FLT4: variants seen among roughly 807,000 people sequenced by gnomAD.
The protein encoded by FLT4 is fms related receptor tyrosine kinase 4, also known as vascular endothelial growth factor receptor 3.
In FLT4, 30 loss-of-function variants were observed where a neutral mutation model predicts 163.2. That is an observed-to-expected ratio of 0.18 (90% CI 0.14 to 0.25). The LOEUF is 0.25. Ranked by LOEUF, FLT4 falls within the 10% of genes least tolerant of loss-of-function variation. FLT4 has a pLI of 1.00. For synonymous variants in FLT4, 884 were observed against 789.5 expected, an observed-to-expected ratio of 1.12 and a Z score of -2.01; for missense variants, 1,510 against 1,863.8, an observed-to-expected ratio of 0.81 and a Z score of 3.50.
chr5:180,632,958 GTCC>G (rs1257382115), intron 1 of FLT4, among the ~76,000 whole-genome samples: 1 of 152,002 alleles, frequency 6.6e-6, no homozygotes, highest in East Asian at 1.9e-4. Flanking sequence ...CCAGGTCCCT[GTCC>G]TCCTGGGGGC....
intron 1 of FLT4, among the ~76,000 whole-genome samples, chr5:180,644,117 C>T (rs1174458698): frequency 1.3e-5 from 2 of 152,194 alleles, no homozygotes; most frequent in Admixed American, 6.5e-5. Context: ...ATGACCCGCT[C>T]TTAACGGTTC....
rs1130378 is a variant in FLT4 at position 180,616,388 on chromosome 5, G to A, written c.3198C>T (p.Pro1066=). ...TCACACTGCCCTTGCGGACGTAGTC[G>A]GGGTCTTTGTAGATGTCCCGGGCAA... ...FGLARDIYKD[P]DYVRKGSARL... Residue 1066 remains proline (P), a synonymous_variant, in exon 23 of 30, where the codon CCC becomes CCT. Transcript: ENST00000261937. 0.27 allele frequency: 442,788 copies of A among 1,613,624 alleles called. 62,105 individuals carry two copies. The highest frequency in any genetic ancestry group is 0.35 in the Middle Eastern group (2,140 of 6,062).
Position 180,602,731 on chromosome 5 carries a change from A to G in FLT4, c.*461T>C, listed in dbSNP as rs1354132289. The G allele has an allele frequency of 2.4e-5, 11 of 454,764 alleles. No individual in the cohort carries two copies. The East Asian group carries it at 3.5e-4, about 15-fold the overall frequency. The allele number at this position is 454,764 out of a possible 1,614,324, so 28.2% of individuals were successfully genotyped here. On this transcript the variant is annotated 3_prime_UTR_variant, in exon 30 of 30. Transcript: ENST00000261937. The stretch of plus-strand genomic sequence containing the variant: ...GAGGCCAGCCAGCCCTCGTGGGGAG[A>G]GTAGCTGTGTGCCTGAGGAGGAAAG...
rs553567480 is a variant in FLT4, at chr5:180,602,604, C to G, written c.*588G>C. On this transcript the variant is annotated 3_prime_UTR_variant, in exon 30 of 30. Coordinates refer to ENST00000261937, the MANE Select transcript of FLT4 (RefSeq NM_182925.5). ...AATACTGTCATACTGGTGGCCACCCCAGGGGCTAGTTGGCTGTTTGGTCAG... is the reference window on the plus strand; with the variant it reads ...AATACTGTCATACTGGTGGCCACCCGAGGGGCTAGTTGGCTGTTTGGTCAG... 3 of 405,718 alleles carry G rather than the reference C, an allele frequency of 7.4e-6. No individual in the cohort carries two copies. The highest frequency in any genetic ancestry group is 2.4e-4 in the South Asian group (2 of 8,356). 25.1% of individuals were successfully genotyped at this position (405,718 alleles called of 1,614,324 possible). A position where few individuals can be genotyped will look rare whatever the true frequency, so the allele number is the denominator to read the frequency against.
chr5:180,610,128 C>A lies in FLT4; in HGVS notation c.3687-103G>T, dbSNP rs903937918. On this transcript the variant is annotated intron_variant, in intron 27 of 29. Coordinates refer to ENST00000261937, the MANE Select transcript of FLT4 (RefSeq NM_182925.5). ...CCCCTCTTCTCCTGGAAAGGACCCCCCGCCTGGGGCAGGAGTATGGATGGG... is the reference window on the plus strand; with the variant it reads ...CCCCTCTTCTCCTGGAAAGGACCCCACGCCTGGGGCAGGAGTATGGATGGG... 5 of 1,554,876 alleles carry A rather than the reference C, an allele frequency of 3.2e-6. No homozygotes were observed. The African/African-American group carries it at 4.1e-5, about 13-fold the overall frequency.
chr5:180,633,535 C>T (rs1292419667), intron 1 of FLT4, among the ~76,000 whole-genome samples: 1 of 152,214 alleles, frequency 6.6e-6, no homozygotes, highest in African/African-American at 2.4e-5. Flanking sequence ...CCGTAGCTTG[C>T]ACCCCTGGGG....
At chr5:180,640,452 G>C (rs2127860926) in intron 1 of FLT4, among the ~76,000 whole-genome samples, 1 of 152,316 alleles carries the variant, frequency 6.6e-6, no homozygotes, top group South Asian at 2.1e-4. Context: ...CTAGCCCCTA[G>C]CATGAAGCCT....
rs930388662 is a variant in FLT4, at chr5:180,630,857, T to A, written c.156-58A>T. The A allele has an allele frequency of 1.3e-6, 2 of 1,536,920 alleles. No homozygotes were observed. Among genetic ancestry groups the A allele is most frequent in the African/African-American group, 2.7e-5 (2 of 73,260 alleles). On this transcript the variant is annotated intron_variant, in intron 2 of 29. Transcript: ENST00000261937. The surrounding 1 kb of genome is among the most constrained non-coding windows in gnomAD (Gnocchi z 6.3). ...CAGGGCAGCCCATGGGGACTGTCCC[T>A]GAGAAGCCTCCCTCAGGCCGAGCCT...
At chr5:180,641,734 A>G (rs1335075384) in intron 1 of FLT4, among the ~76,000 whole-genome samples, 1 of 152,148 alleles carries the variant, frequency 6.6e-6, no homozygotes, top group East Asian at 1.9e-4. Flanking sequence ...TCCTCACTGC[A>G]CATCCTGCAG....
At chr5:180,631,828 A>G (rs764128178) in intron 1 of FLT4, 50 bp from the exon 2 acceptor site, 20 of 1,300,240 alleles carry the variant, frequency 1.5e-5, no homozygotes, top group African/African-American at 2.9e-5. Context: ...ACTTGGCACG[A>G]CGTTGATGGG....
intron 1 of FLT4, among the ~76,000 whole-genome samples, chr5:180,648,935 GGC>G (rs777153023): frequency 3.7e-4 from 56 of 152,170 alleles, no homozygotes; most frequent in Non-Finnish European, 6.8e-4. Flanking sequence ...GTCCGCCTCG[GGC>G]GCGCGGTGGT....
rs1311212445 is a variant in FLT4, at chr5:180,623,449, C to T, written c.1548+486G>A. Reference sequence around the variant, plus strand: ...TCCAAAGACCCCCACCCCCACCCCACCCCCAGCTGGGCACTTCCTGTCCAG... The same window carrying T: ...TCCAAAGACCCCCACCCCCACCCCATCCCCAGCTGGGCACTTCCTGTCCAG... On this transcript the variant is annotated intron_variant, in intron 11 of 29. Transcript: ENST00000261937. The surrounding 1 kb of genome is among the most constrained non-coding windows in gnomAD (Gnocchi z 5.8). Among the ~76,000 whole-genome samples the T allele has an allele frequency of 1.3e-5, 2 of 151,900 alleles. No homozygotes were observed. The highest frequency in any genetic ancestry group is 4.8e-5 in the African/African-American group (2 of 41,376).
chr5:180,621,772 G>C lies in FLT4; in HGVS notation c.1790C>G (p.Thr597Arg), dbSNP rs758587669. The change falls in exon 13 of 30, where the codon ACG becomes AGG. Residue 597 changes from threonine to arginine, a missense_variant. Physicochemically the swap from Thr to Arg is moderately conservative, Grantham distance 71. This residue lies in a region of FLT4 where 878 missense variants were observed against 1,016.7 expected (regional missense o/e 0.86). Transcript: ENST00000261937. Reference protein sequence around the residue: ...HLRWYRLNLSTLHDAHGNPLL... With the variant: ...HLRWYRLNLSRLHDAHGNPLL... ...CGGGTTCCCGTGCGCATCGTGCAGCGTGGACAGGTTGAGGCGGTACCAGCG... is the reference window on the plus strand; with the variant it reads ...CGGGTTCCCGTGCGCATCGTGCAGCCTGGACAGGTTGAGGCGGTACCAGCG... 6.2e-7 allele frequency: 1 copy of C among 1,613,342 alleles called. No homozygotes were observed. Among genetic ancestry groups the C allele is most frequent in the South Asian group, 1.1e-5 (1 of 91,090 alleles).
intron 29 of FLT4, among the ~76,000 whole-genome samples, chr5:180,603,903 TA>T (rs3053717): frequency 1.2e-3 from 169 of 142,650 alleles, no homozygotes; most frequent in Non-Finnish European, 1.5e-3. Flanking sequence ...GACTCCATCT[TA>T]AAAAAAAAAA....
At chr5:180,631,081 A>AGGGTG (rs1764086780) in intron 2 of FLT4, among the ~76,000 whole-genome samples, 1 of 152,042 alleles carries the variant, frequency 6.6e-6, no homozygotes, top group African/African-American at 2.4e-5. Flanking sequence ...GGGTGCTCCC[A>AGGGTG]GGGTGGCTGG....
intron 1 of FLT4, among the ~76,000 whole-genome samples, chr5:180,640,843 G>A (rs1338494966): frequency 6.6e-6 from 1 of 152,188 alleles, no homozygotes; most frequent in Non-Finnish European, 1.5e-5. Context: ...TGGGCTGGCT[G>A]TGCCATACCC....
chr5:180,626,091 C>A lies in FLT4; in HGVS notation c.1258+20G>T, dbSNP rs953539739. ...CAATGCCAGGCCGCCCACCCGTGCG[C>A]TCTCCCGTCCCTGACCTACCATTCA... On this transcript the variant is annotated intron_variant, in intron 9 of 29. Transcript: ENST00000261937. 3.1e-6 allele frequency: 5 copies of A among 1,612,680 alleles called. No individual in the cohort carries two copies. In the African/African-American group the frequency reaches 6.7e-5, roughly 22 times the overall value.
intron 1 of FLT4, among the ~76,000 whole-genome samples, chr5:180,640,001 A>G (rs1764981517): frequency 6.6e-6 from 1 of 152,142 alleles, no homozygotes; most frequent in South Asian, 2.1e-4. Flanking sequence ...GCCAGAATGC[A>G]TACCTCCTCT....
intron 10 of FLT4, among the ~76,000 whole-genome samples, chr5:180,625,266 C>T (rs1050086541): frequency 6.6e-6 from 1 of 152,256 alleles, no homozygotes; most frequent in African/African-American, 2.4e-5. Flanking sequence ...TCACCCCCTG[C>T]TTGTCTAAAT....
Sources: allele counts gnomAD v4.1 joint callset (sites outside exome capture counted in the v4.1 genomes callset), GRCh38; gene constraint gnomAD v4.1.1; regional missense constraint gnomAD v4.1.1; non-coding constraint Gnocchi (gnomAD v3.1); transcripts MANE v1.5; gene names NCBI Gene and HGNC (gene_info 2026-07-23, HGNC 2026-07-21).